The following MTHFS variants were observed in gnomAD, a reference collection of about 807,000 sequenced individuals.
MTHFS encodes methenyltetrahydrofolate synthetase.
A neutral mutation model predicts 12.7 loss-of-function variants in MTHFS; 7 were observed. That is an observed-to-expected ratio of 0.55 (90% confidence interval 0.31 to 1.03). The LOEUF is 1.03. Among genes scored for constraint, MTHFS ranks in the 50% least tolerant of loss-of-function variants. The pLI, the probability that MTHFS is intolerant of heterozygous loss-of-function variation, is 0.05. For missense variants in MTHFS, 252 were observed against 258.1 expected (o/e 0.98, Z 0.16); for synonymous variants, 100 against 97.1 (o/e 1.03, Z -0.18).
At chr15:79,895,120 T>C (rs1003958358) in intron 1 of MTHFS, among the ~76,000 whole-genome samples, 5 of 152,136 alleles carry the variant, frequency 3.3e-5, no homozygotes, top group African/African-American at 9.7e-5. Flanking sequence ...GAACCAAAGG[T>C]TCTGAGAGAT....
intron 2 of MTHFS, among the ~76,000 whole-genome samples, chr15:79,881,039 G>T (rs1377316550): frequency 6.6e-6 from 1 of 152,118 alleles, no homozygotes; most frequent in African/African-American, 2.4e-5. Flanking sequence ...ACTAAAAAAA[G>T]AATTTATTTT....
rs1259428292 is a variant in MTHFS, at chr15:79,845,162, C to T, written c.*48G>A. 1.9e-6 allele frequency: 3 copies of T among 1,603,438 alleles called. No homozygotes were observed. The highest frequency in any genetic ancestry group is 2.6e-6 in the Non-Finnish European group (3 of 1,173,078). On this transcript the variant is annotated 3_prime_UTR_variant, in exon 3 of 3. Coordinates refer to ENST00000258874, the MANE Select transcript of MTHFS (RefSeq NM_006441.4). ...ACAAGGGAAAAATACACATACTTTG[C>T]TTTACTCTCATATAAAACACTGATT...
chr15:79,896,755 G>C (rs1240799542), intron 1 of MTHFS, 117 bp downstream of exon 1: 5 of 1,437,976 alleles, frequency 3.5e-6, no homozygotes, highest in Non-Finnish European at 4.6e-6. Flanking sequence ...GCGCGCCGGG[G>C]GGTGGGGGGG....
chr15:79,885,942 G>A (rs904761245), intron 2 of MTHFS, among the ~76,000 whole-genome samples: 4 of 152,192 alleles, frequency 2.6e-5, no homozygotes, highest in Non-Finnish European at 5.9e-5. Context: ...GCTTAAGCCC[G>A]GTTGAATCAG....
intron 1 of MTHFS, among the ~76,000 whole-genome samples, chr15:79,889,634 C>T (rs1262876936): frequency 6.6e-6 from 1 of 152,122 alleles, no homozygotes; most frequent in African/African-American, 2.4e-5. Context: ...TGGAGACAAG[C>T]TGTCTATCCA....
intron 2 of MTHFS, among the ~76,000 whole-genome samples, chr15:79,870,992 A>T (rs1224439471): frequency 1.3e-5 from 2 of 151,922 alleles, no homozygotes; most frequent in African/African-American, 4.8e-5. Flanking sequence ...AAATACAAAA[A>T]ATTAGCTGGG....
intron 2 of MTHFS, among the ~76,000 whole-genome samples, chr15:79,881,491 G>A (rs894592123): frequency 2.0e-5 from 3 of 151,972 alleles, no homozygotes; most frequent in South Asian, 2.1e-4. Flanking sequence ...TATCATGGGT[G>A]CACTTCTCAT....
chr15:79,895,196 A>G (rs2034547519), intron 1 of MTHFS, among the ~76,000 whole-genome samples: 1 of 152,232 alleles, frequency 6.6e-6, no homozygotes, highest in African/African-American at 2.4e-5. Context: ...AGATCTGTGC[A>G]GTTCCAAAGC....
chr15:79,890,892 T>C (rs2034461769), intron 1 of MTHFS, among the ~76,000 whole-genome samples: 1 of 152,210 alleles, frequency 6.6e-6, no homozygotes, highest in Non-Finnish European at 1.5e-5. Flanking sequence ...ATCCAACTAC[T>C]ATATGAGAAA....
At chr15:79,852,369 A>C (rs2033730969) in intron 2 of MTHFS, among the ~76,000 whole-genome samples, 1 of 152,224 alleles carries the variant, frequency 6.6e-6, no homozygotes, top group African/African-American at 2.4e-5. Context: ...TTATATACAA[A>C]AATTGGGTTT....
At chr15:79,868,687 T>C (rs2034052655) in intron 2 of MTHFS, among the ~76,000 whole-genome samples, 1 of 152,226 alleles carries the variant, frequency 6.6e-6, no homozygotes, top group African/African-American at 2.4e-5. Context: ...CTAGGCCATC[T>C]CATCACATTT....
intron 1 of MTHFS, among the ~76,000 whole-genome samples, chr15:79,890,986 C>G (rs555277186): frequency 6.6e-6 from 1 of 152,170 alleles, no homozygotes; most frequent in Non-Finnish European, 1.5e-5. Context: ...AGTTAACACT[C>G]AATGTGAGAC....
At chr15:79,855,777 C>T (rs942737184) in intron 2 of MTHFS, among the ~76,000 whole-genome samples, 2 of 152,278 alleles carry the variant, frequency 1.3e-5, no homozygotes, top group South Asian at 4.1e-4. Context: ...ATTTGGTTTT[C>T]TGTTCTTCTG....
At chr15:79,896,500 T>C (rs1345447886) in intron 1 of MTHFS, among the ~76,000 whole-genome samples, 1 of 152,248 alleles carries the variant, frequency 6.6e-6, no homozygotes, top group Non-Finnish European at 1.5e-5. Context: ...CCATCTCCTC[T>C]ACCACAACTT....
intron 2 of MTHFS, among the ~76,000 whole-genome samples, chr15:79,858,404 G>A (rs936165990): frequency 1.3e-5 from 2 of 152,216 alleles, no homozygotes; most frequent in African/African-American, 2.4e-5. Flanking sequence ...TATCAACCAC[G>A]AAAGGATGAG....
intron 1 of MTHFS, among the ~76,000 whole-genome samples, chr15:79,894,349 C>A (rs1422045603): frequency 6.6e-6 from 1 of 152,102 alleles, no homozygotes; most frequent in East Asian, 1.9e-4. Flanking sequence ...CCACCGCACT[C>A]CAGCCTGGGC....
chr15:79,867,018 A>G (rs115672781), intron 2 of MTHFS, among the ~76,000 whole-genome samples: 1 of 151,672 alleles, frequency 6.6e-6, no homozygotes, highest in African/African-American at 2.4e-5. Flanking sequence ...TTTTAGTGCC[A>G]AAAAAGCAAA....
Position 79,847,609 on chromosome 15 carries a change from G to A in MTHFS, c.380-2167C>T, listed in dbSNP as rs144445933. On this transcript the variant is annotated intron_variant, in intron 2 of 2. Coordinates refer to ENST00000258874, the MANE Select transcript of MTHFS (RefSeq NM_006441.4). ...TGAGACAGGAGAATGGTGTGAACCC[G>A]GGAGGTGGAGCTATTGCGCCACTGC... Among the ~76,000 whole-genome samples the A allele has an allele frequency of 0.021, 3,203 of 150,206 alleles. 187 individuals are homozygous for A. In the East Asian group the frequency reaches 0.22, roughly 11 times the overall value.
intron 1 of MTHFS, among the ~76,000 whole-genome samples, chr15:79,892,816 T>C (rs12915324): frequency 0.15 from 22,290 of 151,984 alleles, 1,795 homozygotes; most frequent in Non-Finnish European, 0.19. Flanking sequence ...CTGGGCATAG[T>C]GGCGCGCACC....
Sources: gnomAD v4.1 joint callset for allele counts (sites outside exome capture counted in the v4.1 genomes callset) on GRCh38, gnomAD v4.1.1 for gene constraint, MANE v1.5 for transcripts, NCBI Gene and HGNC (gene_info 2026-07-23, HGNC 2026-07-21) for gene names.